Variants in AKAP6 observed in about 807,000 individuals in gnomAD.
The protein encoded by AKAP6 is A-kinase anchoring protein 6.
Under a neutral mutation model 188.5 loss-of-function variants are expected in AKAP6, and 58 were observed. The ratio of observed to expected loss-of-function variants is 0.31; its 90% CI spans 0.25 to 0.38. AKAP6 has a LOEUF of 0.38. Ranked by LOEUF, AKAP6 falls within the 10% of genes least tolerant of loss-of-function variation. The pLI is 1.00. For missense variants in AKAP6, 2,710 were observed against 2,740.0 expected (o/e 0.99, Z 0.24); for synonymous variants, 989 against 998.6 (o/e 0.99, Z 0.18).
intron 12 of AKAP6, among the ~76,000 whole-genome samples, chr14:32,813,356 A>C (rs751359547): frequency 1.3e-5 from 2 of 151,432 alleles, no homozygotes; most frequent in Non-Finnish European, 2.9e-5. Context: ...TCTTTGTTCA[A>C]GAAGAGTAGT....
rs1292740080 is a variant in AKAP6 at position 32,822,443 on chromosome 14, G to A, written c.4630G>A (p.Gly1544Ser). 1.2e-6 allele frequency: 2 copies of A among 1,613,856 alleles called. No homozygotes were observed. The highest frequency in any genetic ancestry group is 1.7e-6 in the Non-Finnish European group (2 of 1,179,956). Residue 1544 changes from glycine to serine, a missense_variant, in exon 13 of 14, where the codon GGC (glycine) becomes AGC (serine). Physicochemically the swap from Gly to Ser is moderately conservative, Grantham distance 56 (BLOSUM62 0). This residue lies in a region of AKAP6 where 2,473 missense variants were observed against 2,426.1 expected (regional missense o/e 1.02). Coordinates refer to ENST00000280979, the MANE Select transcript of AKAP6 (RefSeq NM_004274.5). ...AATGGATCGCATTTCATATAAAAGT[G>A]GCAATATAGAAAAGACATTCACTGG... is the stretch of plus-strand genomic sequence containing the variant. Reference protein sequence around the residue: ...HEMDRISYKSGNIEKTFTGMQ... With the variant: ...HEMDRISYKSSNIEKTFTGMQ...
intron 7 of AKAP6, among the ~76,000 whole-genome samples, chr14:32,611,641 G>A (rs148322504): frequency 6.6e-6 from 1 of 152,192 alleles, no homozygotes; most frequent in Non-Finnish European, 1.5e-5. Flanking sequence ...CCATATTAAA[G>A]TTGGGGATTA....
chr14:32,824,583 G>T lies in AKAP6; in HGVS notation c.6770G>T (p.Gly2257Val), dbSNP rs1410529408. Residue 2257 changes from glycine to valine, a missense_variant, in exon 13 of 14, where the codon GGA becomes GTA. By Grantham distance (109) the Gly-to-Val change is moderately radical. This residue lies in a region of AKAP6 where 2,473 missense variants were observed against 2,426.1 expected (regional missense o/e 1.02). Coordinates refer to ENST00000280979, the MANE Select transcript of AKAP6 (RefSeq NM_004274.5). The stretch of plus-strand genomic sequence containing the variant: ...CTTGACAGTGAAAAGGAAAGTTCCG[G>T]AAAACCAGGTGAATCTGGAATGCCA... ...SKLDSEKESS[G>V]KPGESGMPEE... The T allele has an allele frequency of 6.2e-7, 1 of 1,613,786 alleles. No homozygotes were observed. The highest frequency in any genetic ancestry group is 8.5e-7 in the Non-Finnish European group (1 of 1,179,956).
intron 7 of AKAP6, among the ~76,000 whole-genome samples, chr14:32,606,443 G>A (rs1272011636): frequency 5.3e-5 from 8 of 151,824 alleles, no homozygotes; most frequent in African/African-American, 1.5e-4. Flanking sequence ...TTTCACTTAC[G>A]AAGCATGCAT....
At chr14:32,707,018 C>A (rs1288187216) in intron 9 of AKAP6, among the ~76,000 whole-genome samples, 1 of 152,044 alleles carries the variant, frequency 6.6e-6, no homozygotes, top group Admixed American at 6.6e-5. Flanking sequence ...TGCTTATAGA[C>A]ATTTACATAA....
At chr14:32,747,147 T>C (rs1296449055) in intron 11 of AKAP6, among the ~76,000 whole-genome samples, 1 of 152,234 alleles carries the variant, frequency 6.6e-6, no homozygotes, top group Admixed American at 6.5e-5. Context: ...GAATTTCTCA[T>C]GTCCACTATA....
At chr14:32,607,020 A>G (rs1886152011) in intron 7 of AKAP6, among the ~76,000 whole-genome samples, 1 of 152,080 alleles carries the variant, frequency 6.6e-6, no homozygotes, top group African/African-American at 2.4e-5. Context: ...TTGTTTGTTT[A>G]CCAGATGCCC....
intron 12 of AKAP6, among the ~76,000 whole-genome samples, chr14:32,807,911 G>A (rs1169459463): frequency 6.6e-6 from 1 of 152,112 alleles, no homozygotes; most frequent in Non-Finnish European, 1.5e-5. Flanking sequence ...TTGTTTTTAC[G>A]CTTGAGAAAG....
intron 2 of AKAP6, among the ~76,000 whole-genome samples, chr14:32,436,336 T>A (rs1400253439): frequency 6.6e-6 from 1 of 152,200 alleles, no homozygotes; most frequent in East Asian, 1.9e-4. Flanking sequence ...GTGTCTCTAG[T>A]GGGCATCTCA....
chr14:32,705,216 T>G (rs1299858910), intron 9 of AKAP6, among the ~76,000 whole-genome samples: 1 of 152,220 alleles, frequency 6.6e-6, no homozygotes, highest in Non-Finnish European at 1.5e-5. Flanking sequence ...AATCCCATTC[T>G]TAAGATTCAT....
intron 9 of AKAP6, among the ~76,000 whole-genome samples, chr14:32,725,463 C>G (rs907543911): frequency 6.6e-6 from 1 of 152,216 alleles, no homozygotes; most frequent in African/African-American, 2.4e-5. Flanking sequence ...ACTTTTTTTT[C>G]TTTTTCACTA....
intron 2 of AKAP6, among the ~76,000 whole-genome samples, chr14:32,477,773 G>A (rs1338200091): frequency 6.6e-6 from 1 of 152,170 alleles, no homozygotes; most frequent in African/African-American, 2.4e-5. Context: ...TAAGAGAGTT[G>A]ATTCTTGGGG....
chr14:32,345,252 C>T (rs772242802), intron 1 of AKAP6, among the ~76,000 whole-genome samples: 1 of 152,132 alleles, frequency 6.6e-6, no homozygotes, highest in African/African-American at 2.4e-5. Flanking sequence ...ATCACATACA[C>T]AGGTGTTAAA....
rs1887383206 is a variant in AKAP6 at position 32,353,865 on chromosome 14, C to A, written c.-35+24457C>A. Among the ~76,000 whole-genome samples the A allele has an allele frequency of 3.3e-5, 5 of 151,996 alleles. 1 individual carries two copies. In the South Asian group the frequency reaches 1.0e-3, roughly 31 times the overall value. ...AGTGAATTCCCATTCACAATTGCTT[C>A]AAAGAGAATAAAATACCTAGGAATC... is the stretch of plus-strand genomic sequence containing the variant. On this transcript the variant is annotated intron_variant, in intron 1 of 13. Coordinates refer to ENST00000280979, the MANE Select transcript of AKAP6 (RefSeq NM_004274.5).
At chr14:32,424,478 TA>T (rs151191459) in intron 1 of AKAP6, among the ~76,000 whole-genome samples, 9,492 of 151,834 alleles carry the variant, frequency 0.063, 367 homozygotes, top group African/African-American at 0.088. Flanking sequence ...TTTTTCTCTT[TA>T]AAAAAAAATT....
At chr14:32,630,160 C>T (rs1429960000) in intron 7 of AKAP6, among the ~76,000 whole-genome samples, 1 of 152,084 alleles carries the variant, frequency 6.6e-6, no homozygotes, top group African/African-American at 2.4e-5. Flanking sequence ...CACAATTTAA[C>T]ACGTAGACGT....
rs1023691657 is a variant in AKAP6, at chr14:32,757,983, C to T, written c.3373-15695C>T. On this transcript the variant is annotated intron_variant, in intron 11 of 13. Transcript: ENST00000280979. ...AGAAATTCCTGTGTTGTTTTGTGTGCTTATTTGAATATTATTCAAATATGT... is the reference window on the plus strand; with the variant it reads ...AGAAATTCCTGTGTTGTTTTGTGTGTTTATTTGAATATTATTCAAATATGT... Among the ~76,000 whole-genome samples, 4 of 152,268 alleles carry T rather than the reference C, an allele frequency of 2.6e-5. No individual in the cohort carries two copies. In the East Asian group the frequency reaches 5.8e-4, roughly 22 times the overall value.
chr14:32,467,972 A>T (rs535454038), intron 2 of AKAP6, among the ~76,000 whole-genome samples: 8 of 151,572 alleles, frequency 5.3e-5, no homozygotes, highest in Non-Finnish European at 1.0e-4. Flanking sequence ...TCATCAAGGG[A>T]CTTTTCAATT....
At chr14:32,807,157 G>T (rs560453085) in intron 12 of AKAP6, among the ~76,000 whole-genome samples, 2 of 151,894 alleles carry the variant, frequency 1.3e-5, no homozygotes, top group African/African-American at 4.8e-5. Context: ...ACCAACCTGG[G>T]CAACGTAGTG....
Sources: allele counts gnomAD v4.1 joint callset (sites outside exome capture counted in the v4.1 genomes callset), GRCh38; gene constraint gnomAD v4.1.1; regional missense constraint gnomAD v4.1.1; transcripts MANE v1.5; gene names NCBI Gene and HGNC (gene_info 2026-07-23, HGNC 2026-07-21).